The following SHISA7 variants were observed in gnomAD, a reference collection of about 807,000 sequenced individuals.
SHISA7 encodes the protein protein shisa-7.
In SHISA7, 6 loss-of-function variants were observed where a neutral mutation model predicts 23.9. The ratio of observed to expected loss-of-function variants is 0.25; its 90% CI spans 0.14 to 0.50. SHISA7 has a LOEUF of 0.50. Ranked by LOEUF, SHISA7 falls within the 20% of genes least tolerant of loss-of-function variation. The pLI, the probability that SHISA7 is intolerant of heterozygous loss-of-function variation, is 0.98. For missense variants in SHISA7, 671 were observed against 801.1 expected, an observed-to-expected ratio of 0.84 and a Z score of 1.96; for synonymous variants, 386 against 398.3, an observed-to-expected ratio of 0.97 and a Z score of 0.37.
At position 55,440,509 on chromosome 19, in the gene SHISA7, G is replaced by A. The variant is rs940863870; in HGVS notation, c.826+102C>T. 5.3e-5 allele frequency: 59 copies of A among 1,118,712 alleles called. No individual in the cohort carries two copies. In the Middle Eastern group the frequency reaches 1.2e-3, roughly 22 times the overall value. 69.3% of individuals were successfully genotyped at this position (1,118,712 alleles called of 1,614,324 possible). On this transcript the variant is annotated intron_variant, in intron 2 of 3. Coordinates refer to ENST00000376325, the MANE Select transcript of SHISA7 (RefSeq NM_001145176.2). ...AAGGCGGGCGTAGGGGGTGAGGGCG[G>A]GTCCTGGGCGATGGGGGTGGAGCCG...
rs1985257219 is a variant in SHISA7 at position 55,433,310 on chromosome 19, G to GGCT, written c.1460_1462dup (p.Gln487dup). The stretch of plus-strand genomic sequence containing the variant: ...CCCGCCGGCGTCGGACATCCAGGCC[G>GGCT]GCTGCGGCGAGCCGTGCAGGGCGTG... On this transcript the variant is annotated inframe_insertion, in exon 4 of 4. Coordinates refer to ENST00000376325, the MANE Select transcript of SHISA7 (RefSeq NM_001145176.2). The surrounding 1 kb of genome is among the most constrained non-coding windows in gnomAD (Gnocchi z 8.4). 3 of 1,488,014 alleles carry GGCT rather than the reference G, an allele frequency of 2.0e-6. No individual in the cohort carries two copies. The highest frequency in any genetic ancestry group is 2.7e-6 in the Non-Finnish European group (3 of 1,127,606). The allele number at this position is 1,488,014 out of a possible 1,614,324, so 92.2% of individuals were successfully genotyped here.
At chr19:55,442,053 C>T in intron 1 of SHISA7, 140 bp downstream of exon 1, 1 of 852,914 alleles carries the variant, frequency 1.2e-6, no homozygotes. Context: ...CCCTGCCCAC[C>T]TTCAGCTACG....
chr19:55,434,876 T>TGC (rs1985373184), intron 3 of SHISA7, among the ~76,000 whole-genome samples: 1 of 82,514 alleles, frequency 1.2e-5, no homozygotes, highest in Non-Finnish European at 2.2e-5. Context: ...GTGTGTGTGG[T>TGC]GTGTGTGTAT....
chr19:55,436,412 C>T (rs576158931), intron 3 of SHISA7, among the ~76,000 whole-genome samples: 1 of 147,918 alleles, frequency 6.8e-6, no homozygotes, highest in South Asian at 2.2e-4. Context: ...AGACCAGCCT[C>T]ACCAACATGG....
chr19:55,440,832 C>A (rs969704646), intron 1 of SHISA7, 67 bp from the exon 2 acceptor site: 3 of 1,217,564 alleles, frequency 2.5e-6, no homozygotes, highest in East Asian at 3.2e-5. Flanking sequence ...AGGAAGGCTT[C>A]TTTCCGCTCC....
Position 55,442,262 on chromosome 19 carries a change from A to C in SHISA7, c.602T>G (p.Val201Gly). The C allele has an allele frequency of 2.0e-6, 3 of 1,533,556 alleles. No homozygotes were observed. The highest frequency in any genetic ancestry group is 2.6e-6 in the Non-Finnish European group (3 of 1,145,826). The allele number at this position is 1,533,556 out of a possible 1,614,324, so 95.0% of individuals were successfully genotyped here. A position where few individuals can be genotyped will look rare whatever the true frequency, so the allele number is the denominator to read the frequency against. Residue 201 changes from valine to glycine, a missense_variant, in exon 1 of 4, where the codon GTC becomes GGC. Around this residue, in one of 5 missense-constraint regions of SHISA7, gnomAD observed 11 missense variants for 31.4 expected, o/e 0.35. Transcript: ENST00000376325. Reference sequence around the variant, plus strand: ...CTTGCTGAAGGCCACTTTGGCGCCGACGCCCACGGCCAGGGCGAAGCTGAT... The same window carrying C: ...CTTGCTGAAGGCCACTTTGGCGCCGCCGCCCACGGCCAGGGCGAAGCTGAT... ...GVISFALAVG[V>G]GAKVAFSKAS...
chr19:55,441,820 C>T (rs953849313), intron 1 of SHISA7, among the ~76,000 whole-genome samples: 4 of 152,240 alleles, frequency 2.6e-5, no homozygotes, highest in African/African-American at 9.6e-5. Flanking sequence ...AGACGTTAAG[C>T]AACTCATCCA....
intron 1 of SHISA7, 52 bp from the exon 2 acceptor site, chr19:55,440,817 G>A: frequency 8.1e-7 from 1 of 1,231,926 alleles, no homozygotes. Flanking sequence ...GGTGGCAGGG[G>A]TACCAGGAAG....
At chr19:55,437,202 ACT>A (rs1422128470) in intron 3 of SHISA7, among the ~76,000 whole-genome samples, 4 of 152,048 alleles carry the variant, frequency 2.6e-5, no homozygotes, top group East Asian at 3.9e-4. Flanking sequence ...ACGAGGGGAG[ACT>A]CTCTGAAAAT....
At chr19:55,437,791 T>A in intron 2 of SHISA7, 37 bp from the exon 3 acceptor site, 1 of 1,532,240 alleles carries the variant, frequency 6.5e-7, no homozygotes, top group Non-Finnish European at 8.8e-7. Flanking sequence ...TCAGTCAGCT[T>A]CCTCCCTCAG....
Position 55,431,235 on chromosome 19 carries a change from T to C in SHISA7, c.*1921A>G, listed in dbSNP as rs983508646. On this transcript the variant is annotated 3_prime_UTR_variant, in exon 4 of 4. Transcript: ENST00000376325. ...TCCCTGCAAATGATGATGACACTATTGGGCATCATGGGTCTTGGGAGGTGA... is the reference window on the plus strand; with the variant it reads ...TCCCTGCAAATGATGATGACACTATCGGGCATCATGGGTCTTGGGAGGTGA... 1 of 152,144 alleles carries C rather than the reference T, an allele frequency of 6.6e-6. No homozygotes were observed. The highest frequency in any genetic ancestry group is 1.5e-5 in the Non-Finnish European group (1 of 68,028). 9.4% of individuals were successfully genotyped at this position (152,144 alleles called of 1,614,324 possible).
At chr19:55,434,051 TTTTGGGGAACCACTGACCCCCTCTCATCC>T (rs1450773548) in intron 3 of SHISA7, among the ~76,000 whole-genome samples, 2 of 152,022 alleles carry the variant, frequency 1.3e-5, no homozygotes, top group Non-Finnish European at 2.9e-5. Context: ...CAACTCTTGC[TTTTGGGGAACCACTGACCCCCTCTCATCC>T]TGTAGCAATG....
At chr19:55,434,851 G>T (rs111067370) in intron 3 of SHISA7, among the ~76,000 whole-genome samples, 2 of 86,254 alleles carry the variant, frequency 2.3e-5, no homozygotes, top group Non-Finnish European at 4.3e-5. Flanking sequence ...GTGTGTGTGC[G>T]TGTGTGTATA....
In SHISA7 at chr19:55,433,156, TCAGA is replaced by T. The variant is rs2123343661; in HGVS notation, c.1613_1616del (p.Val538GlufsTer41). 3.9e-6 allele frequency: 6 copies of T among 1,520,212 alleles called. No individual in the cohort carries two copies. Among genetic ancestry groups the T allele is most frequent in the Non-Finnish European group, 5.3e-6 (6 of 1,138,928 alleles). 94.2% of individuals were successfully genotyped at this position (1,520,212 alleles called of 1,614,324 possible). The stretch of plus-strand genomic sequence containing the variant: ...CAGCCCCCCAGACCCGGCCCTGGCC[TCAGA>T]CAGTCACCTCGTTCTTGCTGGCCGT... On this transcript the variant is annotated frameshift_variant and stop_lost, in exon 4 of 4. Transcript: ENST00000376325. LOFTEE classifies it high-confidence loss of function. The surrounding 1 kb of genome is among the most constrained non-coding windows in gnomAD (Gnocchi z 8.4).
intron 3 of SHISA7, among the ~76,000 whole-genome samples, chr19:55,434,586 TG>T (rs1985335007): frequency 1.0e-5 from 1 of 96,940 alleles, no homozygotes; most frequent in Non-Finnish European, 2.1e-5. Context: ...GGTGTGTGTG[TG>T]GTGTGTGTGT....
intron 2 of SHISA7, 126 bp from the exon 3 acceptor site, chr19:55,437,880 A>G: frequency 1.7e-6 from 2 of 1,174,682 alleles, no homozygotes; most frequent in Non-Finnish European, 2.3e-6. Context: ...CTTCAGACCC[A>G]GGAGTGCAGG....
Position 55,433,169 on chromosome 19 carries a change from T to C in SHISA7, c.1604A>G (p.Glu535Gly), listed in dbSNP as rs1985251647. The C allele has an allele frequency of 6.6e-7, 1 of 1,522,614 alleles. No homozygotes were observed. The highest frequency in any genetic ancestry group is 8.8e-7 in the Non-Finnish European group (1 of 1,139,944). The allele number at this position is 1,522,614 out of a possible 1,614,324, so 94.3% of individuals were successfully genotyped here. Residue 535 changes from glutamate to glycine, a missense_variant, in exon 4 of 4, where the codon GAG becomes GGG. Glu to Gly is a moderately conservative substitution (Grantham distance 98, BLOSUM62 -2). This residue lies in a region of SHISA7 where 457 missense variants were observed against 488.3 expected (regional missense o/e 0.94). Coordinates refer to ENST00000376325, the MANE Select transcript of SHISA7 (RefSeq NM_001145176.2). The surrounding 1 kb of genome is among the most constrained non-coding windows in gnomAD (Gnocchi z 8.4). Reference sequence around the variant, plus strand: ...CCGGCCCTGGCCTCAGACAGTCACCTCGTTCTTGCTGGCCGTGCGCAGGTG... The same window carrying C: ...CCGGCCCTGGCCTCAGACAGTCACCCCGTTCTTGCTGGCCGTGCGCAGGTG... The part of the protein sequence containing the change: ...PQHLRTASKN[E>G]VTV
Position 55,433,440 on chromosome 19 carries a change from C to T in SHISA7, c.1333G>A (p.Ala445Thr). The change falls in exon 4 of 4, where the codon GCC becomes ACC. Residue 445 changes from alanine to threonine, a missense_variant. Around this residue, in one of 5 missense-constraint regions of SHISA7, gnomAD observed 457 missense variants for 488.3 expected, o/e 0.94. Coordinates refer to ENST00000376325, the MANE Select transcript of SHISA7 (RefSeq NM_001145176.2). The surrounding 1 kb of genome is among the most constrained non-coding windows in gnomAD (Gnocchi z 8.4). ...TTGGAGTGCGAGGCGGCCAGGCTGGCCCGGGCGGTGGGGTCGGGGGGCAGC... is the reference window on the plus strand; with the variant it reads ...TTGGAGTGCGAGGCGGCCAGGCTGGTCCGGGCGGTGGGGTCGGGGGGCAGC... Reference protein sequence around the residue: ...PALPPDPTARASLAASHSNLL... With the variant: ...PALPPDPTARTSLAASHSNLL... 8 of 1,336,500 alleles carry T rather than the reference C, an allele frequency of 6.0e-6. No homozygotes were observed. Among genetic ancestry groups the T allele is most frequent in the Non-Finnish European group, 6.7e-6 (7 of 1,051,982 alleles). The allele number at this position is 1,336,500 out of a possible 1,614,324, so 82.8% of individuals were successfully genotyped here.
At position 55,437,740 on chromosome 19, in the gene SHISA7, G is replaced by T; in HGVS notation, c.841C>A (p.Pro281Thr). The T allele has an allele frequency of 6.5e-7, 1 of 1,550,354 alleles. No individual in the cohort carries two copies. The highest frequency in any genetic ancestry group is 1.2e-5 in the South Asian group (1 of 84,000). Residue 281 changes from proline (P) to threonine (T), a missense_variant, in exon 3 of 4, where the codon CCG becomes ACG. Pro to Thr is a conservative substitution (Grantham distance 38). Coordinates refer to ENST00000376325, the MANE Select transcript of SHISA7 (RefSeq NM_001145176.2). ...KTPNLDWRAL[P>T]PPSPSLHYST... is the part of the protein sequence containing the mutation. The stretch of plus-strand genomic sequence containing the variant: ...TAGTGCAAGGAGGGGCTGGGCGGCG[G>T]CAAGGCTCGCCAGTCTGGGTTAGAG...
Sources: allele counts gnomAD v4.1 joint callset (sites outside exome capture counted in the v4.1 genomes callset), GRCh38; gene constraint gnomAD v4.1.1; regional missense constraint gnomAD v4.1.1; non-coding constraint Gnocchi (gnomAD v3.1); transcripts MANE v1.5; gene names NCBI Gene and HGNC (gene_info 2026-07-23, HGNC 2026-07-21).